Variants in NCOA7 observed in about 807,000 individuals in gnomAD.
NCOA7 encodes the protein nuclear receptor coactivator 7.
A neutral mutation model predicts 104.3 loss-of-function variants in NCOA7; 45 were observed. That is an observed-to-expected ratio of 0.43 (90% CI 0.34 to 0.55). The LOEUF is 0.55. NCOA7 is among the 20% of genes least tolerant of loss of function. The pLI is 0.02. For missense variants in NCOA7, 1,041 were observed against 1,119.7 expected (o/e 0.93, Z 1.00); for synonymous variants, 398 against 402.3 (o/e 0.99, Z 0.13).
chr6:125,795,217 G>A (rs1775206954), intron 1 of NCOA7, among the ~76,000 whole-genome samples: 1 of 152,166 alleles, frequency 6.6e-6, no homozygotes, highest in Non-Finnish European at 1.5e-5. Context: ...GGTAGCCTTT[G>A]GCATAAAAAT....
intron 1 of NCOA7, among the ~76,000 whole-genome samples, chr6:125,796,463 T>C (rs954293214): frequency 6.6e-6 from 1 of 151,274 alleles, no homozygotes; most frequent in Non-Finnish European, 1.5e-5. Context: ...TATCCAATGG[T>C]ATAGTATTTG....
intron 1 of NCOA7, among the ~76,000 whole-genome samples, chr6:125,794,105 C>T (rs1775094555): frequency 6.6e-6 from 1 of 152,114 alleles, no homozygotes; most frequent in Non-Finnish European, 1.5e-5. Context: ...CCCCCATATG[C>T]CCACACTGAG....
At chr6:125,810,285 C>CA (rs1467444563) in intron 1 of NCOA7, 1 of 152,160 alleles carries the variant, frequency 6.6e-6, no homozygotes, top group Non-Finnish European at 1.5e-5. Context: ...GCCATGTGTA[C>CA]AAACAAGGAA....
chr6:125,815,756 C>CTATA (rs1777531140), intron 2 of NCOA7, among the ~76,000 whole-genome samples: 1 of 152,192 alleles, frequency 6.6e-6, no homozygotes, highest in East Asian at 1.9e-4. Flanking sequence ...ATAGGTTGGA[C>CTATA]TATAACTGAA....
chr6:125,928,085 C>G, intron 14 of NCOA7, 89 bp from the exon 15 acceptor site: 1 of 1,260,238 alleles, frequency 7.9e-7, no homozygotes, highest in East Asian at 2.3e-5. Flanking sequence ...AGGTGGTTCC[C>G]TTTTACATAT....
chr6:125,908,249 C>T (rs1024908190), intron 10 of NCOA7, among the ~76,000 whole-genome samples: 10 of 152,196 alleles, frequency 6.6e-5, no homozygotes, highest in Non-Finnish European at 1.0e-4. Context: ...ATTGACACCC[C>T]AGTACACTCC....
intron 1 of NCOA7, among the ~76,000 whole-genome samples, chr6:125,800,928 G>A (rs1252301901): frequency 1.3e-5 from 2 of 152,336 alleles, no homozygotes; most frequent in Middle Eastern, 3.4e-3. Flanking sequence ...TGGGGAGTGT[G>A]AGGCAGTGAG....
chr6:125,840,483 A>G (rs896701830), intron 2 of NCOA7, among the ~76,000 whole-genome samples: 2 of 152,006 alleles, frequency 1.3e-5, no homozygotes, highest in African/African-American at 4.8e-5. Flanking sequence ...AGCAGCAACC[A>G]TACATGGTAA....
intron 2 of NCOA7, chr6:125,818,801 AG>A (rs1221568364): frequency 6.6e-6 from 1 of 152,384 alleles, no homozygotes; most frequent in Non-Finnish European, 1.5e-5. Flanking sequence ...AACTAGCAAC[AG>A]AACTTACTTG....
intron 3 of NCOA7, among the ~76,000 whole-genome samples, chr6:125,872,973 A>G (rs977855657): frequency 2.0e-5 from 3 of 152,212 alleles, no homozygotes; most frequent in South Asian, 2.1e-4. Flanking sequence ...TAATGGAAGC[A>G]TCTATTTAAA....
chr6:125,856,701 C>G (rs558649537), intron 3 of NCOA7, among the ~76,000 whole-genome samples: 94 of 152,094 alleles, frequency 6.2e-4, no homozygotes, highest in Non-Finnish European at 1.1e-3. Context: ...AGACATATGG[C>G]ATGGCATACA....
intron 3 of NCOA7, among the ~76,000 whole-genome samples, chr6:125,860,416 C>T (rs1329597556): frequency 6.6e-6 from 1 of 152,162 alleles, no homozygotes; most frequent in Non-Finnish European, 1.5e-5. Flanking sequence ...GGTGCAATCT[C>T]GACTCATTGC....
intron 7 of NCOA7, 84 bp downstream of exon 7, chr6:125,882,635 A>G (rs758608812): frequency 1.3e-6 from 2 of 1,502,582 alleles, no homozygotes; most frequent in East Asian, 2.3e-5. Context: ...CAGAGGCTAC[A>G]TTAAAAGATC....
intron 3 of NCOA7, among the ~76,000 whole-genome samples, chr6:125,861,898 G>A (rs139473517): frequency 0.01 from 1,518 of 150,298 alleles, 28 homozygotes; most frequent in African/African-American, 0.036. Flanking sequence ...TTAGCTGGGC[G>A]TGGTGGCACA....
In NCOA7 at chr6:125,844,224, G is replaced by A. The variant is rs538119459; in HGVS notation, c.51-10796G>A. On this transcript the variant is annotated intron_variant, in intron 2 of 15. Transcript: ENST00000392477. ...AGGGGAAATGCTGTTGTGTGTATGT[G>A]TACCCATCTGAAGGATATATTGCTA... 3.3e-5 allele frequency among the ~76,000 whole-genome samples: 5 copies of A among 152,318 alleles called. No individual in the cohort carries two copies. In the East Asian group the frequency reaches 5.8e-4, roughly 18 times the overall value.
intron 10 of NCOA7, among the ~76,000 whole-genome samples, chr6:125,892,898 T>C (rs1005159165): frequency 1.3e-5 from 2 of 152,016 alleles, no homozygotes; most frequent in African/African-American, 4.8e-5. Context: ...TAGGAATTTT[T>C]TTGTGGTAAT....
intron 10 of NCOA7, among the ~76,000 whole-genome samples, chr6:125,904,452 G>A (rs1785786674): frequency 6.6e-6 from 1 of 152,098 alleles, no homozygotes; most frequent in African/African-American, 2.4e-5. Context: ...CTTTTGCTCT[G>A]CCATGTCCAC....
intron 1 of NCOA7, among the ~76,000 whole-genome samples, chr6:125,808,933 A>T (rs1776708128): frequency 6.6e-6 from 1 of 152,208 alleles, no homozygotes; most frequent in Admixed American, 6.5e-5. Context: ...TCTCAGGTCA[A>T]ATTTGAGCAC....
intron 2 of NCOA7, among the ~76,000 whole-genome samples, chr6:125,841,234 T>C (rs1780143358): frequency 6.6e-6 from 1 of 152,094 alleles, no homozygotes; most frequent in Non-Finnish European, 1.5e-5. Context: ...AAATACTTAC[T>C]GGTTACAACT....
Sources: allele counts gnomAD v4.1 joint callset (sites outside exome capture counted in the v4.1 genomes callset), GRCh38; gene constraint gnomAD v4.1.1; transcripts MANE v1.5; gene names NCBI Gene and HGNC (gene_info 2026-07-23, HGNC 2026-07-21).